The following UNC13B variants were observed in gnomAD, a reference collection of about 807,000 sequenced individuals.
UNC13B encodes protein unc-13 homolog B.
Under a neutral mutation model 211.0 loss-of-function variants are expected in UNC13B, and 144 were observed. That is an observed-to-expected ratio of 0.68 (90% CI 0.60 to 0.78). UNC13B has a LOEUF of 0.78. UNC13B is among the 30% of genes least tolerant of loss of function. The pLI is 0.00. For missense variants in UNC13B, 1,777 were observed against 2,002.0 expected (o/e 0.89, Z 2.14); for synonymous variants, 709 against 725.8 (o/e 0.98, Z 0.37).
chr9:35,335,967 T>C (rs1831633873), intron 11 of UNC13B, among the ~76,000 whole-genome samples: 1 of 152,154 alleles, frequency 6.6e-6, no homozygotes, highest in African/African-American at 2.4e-5. Flanking sequence ...CCTCCATAAG[T>C]GGTGGGATTA....
intron 25 of UNC13B, 137 bp downstream of exon 25, chr9:35,390,110 G>C (rs1056453642): frequency 8.9e-6 from 13 of 1,463,066 alleles, no homozygotes; most frequent in Non-Finnish European, 1.8e-6. Context: ...TCTGTCCCTT[G>C]TATCTGTCTG....
intron 7 of UNC13B, among the ~76,000 whole-genome samples, chr9:35,269,525 T>C (rs755724150): frequency 4.6e-5 from 7 of 152,224 alleles, no homozygotes; most frequent in Non-Finnish European, 1.0e-4. Context: ...TGATGATTAA[T>C]TGGCTCAACC....
intron 11 of UNC13B, among the ~76,000 whole-genome samples, chr9:35,346,044 A>G (rs1421275711): frequency 1.3e-5 from 2 of 152,180 alleles, no homozygotes; most frequent in African/African-American, 4.8e-5. Context: ...GATCTAGGGC[A>G]TTTCTCATTC....
At chr9:35,288,330 T>C (rs1332282113) in intron 7 of UNC13B, among the ~76,000 whole-genome samples, 1 of 152,196 alleles carries the variant, frequency 6.6e-6, no homozygotes, top group Admixed American at 6.5e-5. Context: ...TAATTCCAAA[T>C]CCTTAATATT....
intron 14 of UNC13B, 120 bp from the exon 15 acceptor site, chr9:35,375,908 A>T (rs1244440512): frequency 6.5e-6 from 6 of 918,268 alleles, no homozygotes; most frequent in Non-Finnish European, 1.0e-5. Flanking sequence ...TGAACCTGGG[A>T]GGTGGAGGTT....
intron 5 of UNC13B, among the ~76,000 whole-genome samples, chr9:35,240,954 C>G (rs1321963246): frequency 6.6e-6 from 1 of 150,780 alleles, no homozygotes; most frequent in Non-Finnish European, 1.5e-5. Context: ...ACTTAGGAGG[C>G]TGAGGCAGGA....
rs566430634 is a variant in UNC13B at position 35,352,958 on chromosome 9, G to C, written c.9415-13989G>C. ...GGCCAGCAGCTGCCTGTCATTGTCT[G>C]GGTTACTGAAGACAGAGAGAATAAA... On this transcript the variant is annotated intron_variant, in intron 11 of 39. Coordinates refer to ENST00000635942, the MANE Select transcript of UNC13B (RefSeq NM_001371189.2). 2.4e-6 allele frequency: 3 copies of C among 1,232,182 alleles called. No homozygotes were observed. In the South Asian group the frequency reaches 1.2e-4, roughly 51 times the overall value. The allele number at this position is 1,232,182 out of a possible 1,614,324, so 76.3% of individuals were successfully genotyped here.
Position 35,399,000 on chromosome 9 carries a change from G to T in UNC13B, c.12040G>T (p.Val4014Leu). The T allele has an allele frequency of 6.2e-7, 1 of 1,614,140 alleles. No homozygotes were observed. The highest frequency in any genetic ancestry group is 1.3e-5 in the African/African-American group (1 of 75,026). ...RASAAQDADSVLRPLMDFLDG... is the reference protein window; with the variant it reads ...RASAAQDADSLLRPLMDFLDG... ...CTCAGCGGCTCAGGATGCAGATAGC[G>T]TACTCCGGCCTCTCATGGACTTCCT... The change falls in exon 33 of 40, where the codon GTA (valine) becomes TTA (leucine). Residue 4014 changes from valine (V) to leucine (L), a missense_variant. Physicochemically the swap from Val to Leu is conservative, Grantham distance 32 (BLOSUM62 1). Coordinates refer to ENST00000635942, the MANE Select transcript of UNC13B (RefSeq NM_001371189.2).
chr9:35,403,910 G>A lies in UNC13B; in HGVS notation c.12900G>A (p.Lys4300=). ...SCACWCPLGR[K]IHMDETGLTI... ...CCTGCTGGTGCCCCTTGGGCCGGAA[G>A]ATCCATATGGATGAGACAGGCCTGA... Residue 4300 remains lysine (K), a synonymous_variant, in exon 40 of 40, where the codon AAG becomes AAA. Coordinates refer to ENST00000635942, the MANE Select transcript of UNC13B (RefSeq NM_001371189.2). 1 of 1,614,192 alleles carries A rather than the reference G, an allele frequency of 6.2e-7. No homozygotes were observed. Among genetic ancestry groups the A allele is most frequent in the Non-Finnish European group, 8.5e-7 (1 of 1,180,036 alleles).
At chr9:35,168,545 C>T (rs1821167006) in intron 1 of UNC13B, among the ~76,000 whole-genome samples, 1 of 152,174 alleles carries the variant, frequency 6.6e-6, no homozygotes, top group Admixed American at 6.6e-5. Context: ...AGATCAACAT[C>T]CTCAATTAGA....
intron 11 of UNC13B, among the ~76,000 whole-genome samples, chr9:35,343,126 C>G (rs1832118841): frequency 6.6e-6 from 1 of 152,212 alleles, no homozygotes; most frequent in Non-Finnish European, 1.5e-5. Flanking sequence ...CTTTTAAATC[C>G]TAGCTATACT....
chr9:35,286,855 G>A lies in UNC13B; in HGVS notation c.527-8841G>A, dbSNP rs144814403. ...AAATCCACAGGGCAGAAGCTCCTGT[G>A]CCCAGGACTCTTCCAGACCTTGTTC... is the stretch of plus-strand genomic sequence containing the variant. On this transcript the variant is annotated intron_variant, in intron 7 of 39. Coordinates refer to ENST00000635942, the MANE Select transcript of UNC13B (RefSeq NM_001371189.2). 3.9e-3 allele frequency among the ~76,000 whole-genome samples: 593 copies of A among 152,210 alleles called. 2 individuals are homozygous for A. The highest frequency in any genetic ancestry group is 5.3e-3 in the Admixed American group (81 of 15,290).
At chr9:35,377,395 C>T in intron 15 of UNC13B, 73 bp from the exon 16 acceptor site, 1 of 1,496,606 alleles carries the variant, frequency 6.7e-7, no homozygotes, top group Non-Finnish European at 9.2e-7. Context: ...GCTCTGCAGC[C>T]TCTCCCAGGC....
chr9:35,212,500 G>A (rs1468443346), intron 1 of UNC13B, among the ~76,000 whole-genome samples: 3 of 152,182 alleles, frequency 2.0e-5, no homozygotes, highest in African/African-American at 7.2e-5. Context: ...TTCAACCCAG[G>A]AGGTGGAGAT....
In UNC13B at chr9:35,258,991, A is replaced by G. The variant is rs143832134; in HGVS notation, c.469-2A>G. 5.0e-6 allele frequency: 8 copies of G among 1,612,978 alleles called. No homozygotes were observed. Among genetic ancestry groups the G allele is most frequent in the Non-Finnish European group, 6.8e-6 (8 of 1,179,528 alleles). On this transcript the variant is annotated splice_acceptor_variant, in intron 6 of 39. Coordinates refer to ENST00000635942, the MANE Select transcript of UNC13B (RefSeq NM_001371189.2). LOFTEE classifies it high-confidence loss of function. ...TATTTATTTTCTCCTTTCTGCTTCT[A>G]GTATTCTAGTCAAGAAGAAAGCCAG... is the stretch of plus-strand genomic sequence containing the variant.
chr9:35,400,487 A>T (rs1237284054), intron 37 of UNC13B, 44 bp downstream of exon 37: 1 of 1,591,032 alleles, frequency 6.3e-7, no homozygotes, highest in South Asian at 1.2e-5. Flanking sequence ...CCTCTCTGAT[A>T]CACATCTTCC....
intron 11 of UNC13B, among the ~76,000 whole-genome samples, chr9:35,355,654 CTA>C (rs1832980529): frequency 6.6e-6 from 1 of 152,176 alleles, no homozygotes; most frequent in Non-Finnish European, 1.5e-5. Flanking sequence ...ACATAAAATG[CTA>C]TGTTTGCCAT....
rs192048456 is a variant in UNC13B, at chr9:35,196,774, T to A, written c.23-31241T>A. ...ACTTTTTAAAAATCTATTTATTTAT[T>A]TATTTTCTTTTTTTGAGGCATGGTC... On this transcript the variant is annotated intron_variant, in intron 1 of 39. Coordinates refer to ENST00000635942, the MANE Select transcript of UNC13B (RefSeq NM_001371189.2). 2.3e-3 allele frequency among the ~76,000 whole-genome samples: 354 copies of A among 152,294 alleles called. 3 individuals carry two copies. The highest frequency in any genetic ancestry group is 0.017 in the Middle Eastern group (5 of 294).
Position 35,254,422 on chromosome 9 carries a change from T to A in UNC13B, c.469-4571T>A, listed in dbSNP as rs545818666. Among the ~76,000 whole-genome samples the A allele has an allele frequency of 2.0e-4, 31 of 152,236 alleles. No homozygotes were observed. The South Asian group carries it at 6.2e-3, about 31-fold the overall frequency. On this transcript the variant is annotated intron_variant, in intron 6 of 39. Transcript: ENST00000635942. ...GAAGCATGCTCTCTGGAGCCTCTTT[T>A]GTAAGGGTGCTTATGCCATTCATGA...
Sources: gnomAD v4.1 joint callset for allele counts (sites outside exome capture counted in the v4.1 genomes callset) on GRCh38, gnomAD v4.1.1 for gene constraint, MANE v1.5 for transcripts, NCBI Gene and HGNC (gene_info 2026-07-23, HGNC 2026-07-21) for gene names.